Variants in FSTL4 observed in about 807,000 individuals in gnomAD.
The protein encoded by FSTL4 is follistatin like 4.
In FSTL4, 28 loss-of-function variants were observed where a neutral mutation model predicts 78.2. That is an observed-to-expected ratio of 0.36 (90% confidence interval 0.27 to 0.49). The LOEUF is 0.49. Among genes scored for constraint, FSTL4 ranks in the 20% least tolerant of loss-of-function variants. The pLI is 0.98. For missense variants in FSTL4, 922 were observed against 1,084.9 expected, an observed-to-expected ratio of 0.85 and a Z score of 2.11; for synonymous variants, 422 against 440.5, an observed-to-expected ratio of 0.96 and a Z score of 0.53.
chr5:133,524,706 C>T (rs1307545893), intron 3 of FSTL4, among the ~76,000 whole-genome samples: 3 of 152,184 alleles, frequency 2.0e-5, no homozygotes, highest in Non-Finnish European at 4.4e-5. Context: ...TTGTACAATA[C>T]TGCAGTGATT....
chr5:133,821,847 C>T, the FSTL4 span, among the ~76,000 whole-genome samples: 3 of 152,050 alleles, frequency 2.0e-5, no homozygotes, highest in African/African-American at 7.2e-5. Context: ...GGAGACTGGT[C>T]GGAAATTCAG....
intron 8 of FSTL4, 21 bp downstream of exon 8, chr5:133,233,396 T>G (rs761484751): frequency 1.2e-6 from 2 of 1,613,620 alleles, no homozygotes; most frequent in Non-Finnish European, 1.7e-6. Flanking sequence ...GGGGACAACA[T>G]GCATGGAGCC....
At chr5:133,688,561 G>A in the FSTL4 span, among the ~76,000 whole-genome samples, 6 of 152,318 alleles carry the variant, frequency 3.9e-5, no homozygotes, top group East Asian at 1.9e-4. Flanking sequence ...ACTCAGCCTC[G>A]AAACAGTCCT....
the FSTL4 span, among the ~76,000 whole-genome samples, chr5:133,644,221 G>A: frequency 1.3e-5 from 2 of 152,190 alleles, no homozygotes; most frequent in East Asian, 1.9e-4. Flanking sequence ...GCTAGAGTCC[G>A]AGCTTGCAGC....
At chr5:133,595,228 T>A (rs749887134) in intron 2 of FSTL4, among the ~76,000 whole-genome samples, 8 of 152,190 alleles carry the variant, frequency 5.3e-5, no homozygotes, top group Non-Finnish European at 2.9e-5. Flanking sequence ...ACACATCCCA[T>A]ACGATTCTCT....
At position 133,375,312 on chromosome 5, in the gene FSTL4, A is replaced by AT. The variant is rs1554109201; in HGVS notation, c.409+25425_409+25426insA. ...ATGGCATATATATATATATATATAT[A>AT]AAAGACTCTAAAGTTACATACCAAA... On this transcript the variant is annotated intron_variant, in intron 4 of 15. Transcript: ENST00000265342. Among the ~76,000 whole-genome samples the AT allele has an allele frequency of 2.3e-3, 305 of 134,610 alleles. 9 individuals are homozygous for AT. The highest frequency in any genetic ancestry group is 7.8e-3 in the Middle Eastern group (2 of 258). 88.3% of individuals were successfully genotyped at this position (134,610 alleles called of 152,430 possible).
Position 133,249,425 on chromosome 5 carries a change from G to A in FSTL4, c.879C>T (p.Asp293=), listed in dbSNP as rs776497561. ...GGTGACTTACATTGATGTCTTCCAA[G>A]TCCAGGAAGTTCAGGGTGAGCCCGT... The part of the protein sequence containing the change: ...KRNGLTLNFL[D]LEDINDFGED... The change falls in exon 7 of 16, where the codon GAC becomes GAT. Residue 293 remains aspartate, a synonymous_variant. Coordinates refer to ENST00000265342, the MANE Select transcript of FSTL4 (RefSeq NM_015082.2). The A allele has an allele frequency of 6.8e-6, 11 of 1,613,764 alleles. No homozygotes were observed. The African/African-American group carries it at 8.0e-5, about 12-fold the overall frequency.
the FSTL4 span, among the ~76,000 whole-genome samples, chr5:133,822,819 G>C: frequency 6.6e-6 from 1 of 152,122 alleles, no homozygotes; most frequent in Non-Finnish European, 1.5e-5. Context: ...ACAAAGAGTA[G>C]AGAATTACCT....
the FSTL4 span, among the ~76,000 whole-genome samples, chr5:133,827,309 A>G: frequency 6.6e-6 from 1 of 152,172 alleles, no homozygotes; most frequent in Non-Finnish European, 1.5e-5. Context: ...GAATCGTTCA[A>G]CCATGTTCAA....
At position 133,470,404 on chromosome 5, in the gene FSTL4, C is replaced by T. The variant is rs1322139920; in HGVS notation, c.161-69418G>A. 9.9e-5 allele frequency among the ~76,000 whole-genome samples: 15 copies of T among 152,202 alleles called. 1 individual carries two copies. The highest frequency in any genetic ancestry group is 9.8e-4 in the Admixed American group (15 of 15,290). On this transcript the variant is annotated intron_variant, in intron 3 of 15. Transcript: ENST00000265342. ...ATCCTCAGTCGGTTTCAACAAGATG[C>T]CACTTCTAGGAATCAGAAAGCAAGA... is the stretch of plus-strand genomic sequence containing the variant.
At chr5:133,534,447 C>A (rs976629636) in intron 3 of FSTL4, among the ~76,000 whole-genome samples, 1 of 152,090 alleles carries the variant, frequency 6.6e-6, no homozygotes, top group Non-Finnish European at 1.5e-5. Context: ...GTAATGAATT[C>A]CTTATATTCT....
the FSTL4 span, among the ~76,000 whole-genome samples, chr5:133,778,356 C>T: frequency 6.6e-6 from 1 of 152,168 alleles, no homozygotes; most frequent in Admixed American, 6.5e-5. Flanking sequence ...AAAAAAATGT[C>T]CCTTGGGGAC....
intron 3 of FSTL4, among the ~76,000 whole-genome samples, chr5:133,425,570 A>G (rs1373818036): frequency 6.6e-6 from 1 of 152,242 alleles, no homozygotes; most frequent in Non-Finnish European, 1.5e-5. Context: ...TTAATGCCCA[A>G]CTGACCTCCC....
At chr5:133,233,314 ATATTTCT>A in intron 8 of FSTL4, 96 bp downstream of exon 8, 1 of 1,269,258 alleles carries the variant, frequency 7.9e-7, no homozygotes, top group African/African-American at 1.5e-5. Flanking sequence ...TTGGGGTTAG[ATATTTCT>A]TTAAGAAGAC....
chr5:133,458,845 T>C (rs1757541005), intron 3 of FSTL4, among the ~76,000 whole-genome samples: 1 of 152,224 alleles, frequency 6.6e-6, no homozygotes, highest in African/African-American at 2.4e-5. Context: ...AGCGTTGGCT[T>C]GGACAGCCTC....
At chr5:133,705,867 A>ATG in the FSTL4 span, among the ~76,000 whole-genome samples, 3 of 132,350 alleles carry the variant, frequency 2.3e-5, no homozygotes, top group African/African-American at 9.0e-5. Flanking sequence ...GCACACACAC[A>ATG]CGCACACACA....
At chr5:133,612,748 G>A (rs140036060), upstream of FSTL4, among the ~76,000 whole-genome samples, 105 of 152,206 alleles carry the variant, frequency 6.9e-4, no homozygotes, top group Middle Eastern at 0.017. This position sits in a 1 kb window ranked among gnomAD's most constrained non-coding sequence, Gnocchi z 6.2. Context: ...CCAGCGTAGC[G>A]CTCCTGCCTC....
At chr5:133,243,054 A>T (rs1290815620) in intron 7 of FSTL4, among the ~76,000 whole-genome samples, 1 of 152,242 alleles carries the variant, frequency 6.6e-6, no homozygotes, top group African/African-American at 2.4e-5. Context: ...CTGAGAGCAT[A>T]CGCTTCATTA....
At chr5:133,800,462 C>T in the FSTL4 span, among the ~76,000 whole-genome samples, 2 of 138,722 alleles carry the variant, frequency 1.4e-5, 1 homozygote, top group South Asian at 4.7e-4. Flanking sequence ...GCATAAATGT[C>T]ATAATGTTTT....
Sources: allele counts gnomAD v4.1 joint callset (sites outside exome capture counted in the v4.1 genomes callset), GRCh38; gene constraint gnomAD v4.1.1; non-coding constraint Gnocchi (gnomAD v3.1); transcripts MANE v1.5; gene names NCBI Gene and HGNC (gene_info 2026-07-23, HGNC 2026-07-21).